Variants in SMAD5 observed in about 807,000 individuals in gnomAD.
SMAD5 encodes SMAD family member 5, also known as MAD, mothers against decapentaplegic homolog 5.
A neutral mutation model predicts 43.1 loss-of-function variants in SMAD5; 9 were observed. The observed-to-expected ratio is 0.21, with a 90% CI of 0.13 to 0.36. The LOEUF is 0.36. Among genes scored for constraint, SMAD5 ranks in the 10% least tolerant of loss-of-function variants. The pLI, the probability that SMAD5 is intolerant of heterozygous loss-of-function variation, is 1.00. For synonymous variants in SMAD5, 190 were observed against 192.4 expected, an observed-to-expected ratio of 0.99 and a Z score of 0.10; for missense variants, 348 against 574.0, an observed-to-expected ratio of 0.61 and a Z score of 4.02.
intron 4 of SMAD5, among the ~76,000 whole-genome samples, chr5:136,162,137 C>T (rs747141205): frequency 7.2e-5 from 11 of 152,054 alleles, no homozygotes; most frequent in African/African-American, 2.7e-4. Context: ...CTGAATGGGA[C>T]GTGATTAAAT....
rs1754064064 is a variant in SMAD5, at chr5:136,167,538, G to A, written c.775+4147G>A. On this transcript the variant is annotated intron_variant, in intron 5 of 7. Transcript: ENST00000545279. ...CACTCCTGTAATCCCAGCACTTTGGGAGGCCGAGGCAGGCAGATCATCTGA... is the reference window on the plus strand; with the variant it reads ...CACTCCTGTAATCCCAGCACTTTGGAAGGCCGAGGCAGGCAGATCATCTGA... 2.0e-5 allele frequency among the ~76,000 whole-genome samples: 3 copies of A among 152,066 alleles called. No homozygotes were observed. In the South Asian group the frequency reaches 6.2e-4, roughly 32 times the overall value.
In SMAD5 at chr5:136,153,916, G is replaced by C. The variant is rs774156161; in HGVS notation, c.156G>C (p.Leu52=). 1 of 1,614,026 alleles carries C rather than the reference G, an allele frequency of 6.2e-7. No homozygotes were observed. Among genetic ancestry groups the C allele is most frequent in the South Asian group, 1.1e-5 (1 of 91,072 alleles). The change falls in exon 3 of 8, where the codon CTG becomes CTC. Residue 52 remains leucine, a synonymous_variant. Transcript: ENST00000545279. Reference sequence around the variant, plus strand: ...AGAAAAAGGGTGCCATGGAGGAACTGGAGAAAGCCTTGAGCAGTCCAGGAC... The same window carrying C: ...AGAAAAAGGGTGCCATGGAGGAACTCGAGAAAGCCTTGAGCAGTCCAGGAC... ...LKKKKGAMEE[L]EKALSSPGQP...
chr5:136,133,918 G>C (rs1752773881), intron 1 of SMAD5: 1 of 154,446 alleles, frequency 6.5e-6, no homozygotes, highest in Admixed American at 6.6e-5. Context: ...TCCGGTTCTG[G>C]TGGTGATGGC....
intron 1 of SMAD5, among the ~76,000 whole-genome samples, chr5:136,146,045 G>T (rs1292257896): frequency 2.6e-5 from 4 of 151,854 alleles, no homozygotes; most frequent in Middle Eastern, 3.4e-3. Context: ...CATTTCAGTT[G>T]TTCTATTAAT....
In SMAD5 at chr5:136,179,469, A is replaced by G. The variant is rs933272323; in HGVS notation, c.*1989A>G. ...CTTTGTCCTTTCTGCTCTTGTGAAG[A>G]AAAAAAAAAGCATTTTCGAGGAAAG... On this transcript the variant is annotated 3_prime_UTR_variant, in exon 8 of 8. Coordinates refer to ENST00000545279, the MANE Select transcript of SMAD5 (RefSeq NM_005903.7). 3 of 122,274 alleles carry G rather than the reference A, an allele frequency of 2.5e-5. No homozygotes were observed. Among genetic ancestry groups the G allele is most frequent in the East Asian group, 7.3e-4 (2 of 2,734 alleles). 7.6% of individuals were successfully genotyped at this position (122,274 alleles called of 1,614,324 possible).
At chr5:136,173,719 G>A (rs1475683627) in intron 6 of SMAD5, among the ~76,000 whole-genome samples, 1 of 151,652 alleles carries the variant, frequency 6.6e-6, no homozygotes, top group African/African-American at 2.4e-5. Flanking sequence ...GGTGGTGGAG[G>A]GATATGTTGG....
intron 5 of SMAD5, among the ~76,000 whole-genome samples, chr5:136,171,792 G>T (rs1205246229): frequency 2.6e-5 from 4 of 152,172 alleles, no homozygotes; most frequent in African/African-American, 9.7e-5. Context: ...TAGAATATAT[G>T]TGTGTATTTT....
intron 1 of SMAD5, among the ~76,000 whole-genome samples, chr5:136,144,267 T>TG (rs893643493): frequency 1.3e-5 from 2 of 152,068 alleles, no homozygotes; most frequent in Admixed American, 6.6e-5. Context: ...GTGTAGTTTG[T>TG]GTTTTTCTTT....
intron 1 of SMAD5, among the ~76,000 whole-genome samples, chr5:136,144,035 T>A (rs1259899712): frequency 6.6e-6 from 1 of 152,074 alleles, no homozygotes; most frequent in Admixed American, 6.6e-5. Flanking sequence ...AAGGCCAAGA[T>A]AATAGCAGAT....
rs962008605 is a variant in SMAD5 at position 136,177,613 on chromosome 5, A to C, written c.*133A>C. On this transcript the variant is annotated 3_prime_UTR_variant, in exon 8 of 8. Transcript: ENST00000545279. ...ATTTTTTTCTACATAATTGTGACCA[A>C]TACATTTGTATTTTGTGATGAATCT... is the stretch of plus-strand genomic sequence containing the variant. 1 of 637,952 alleles carries C rather than the reference A, an allele frequency of 1.6e-6. No homozygotes were observed. The highest frequency in any genetic ancestry group is 1.8e-5 in the African/African-American group (1 of 54,432). 39.5% of individuals were successfully genotyped at this position (637,952 alleles called of 1,614,324 possible). A position where few individuals can be genotyped will look rare whatever the true frequency, so the allele number is the denominator to read the frequency against.
intron 1 of SMAD5, among the ~76,000 whole-genome samples, chr5:136,143,959 G>T (rs984743971): frequency 1.3e-5 from 2 of 151,888 alleles, no homozygotes; most frequent in Non-Finnish European, 2.9e-5. Flanking sequence ...CCACTTTCCA[G>T]TTATACTGTT....
intron 6 of SMAD5, among the ~76,000 whole-genome samples, chr5:136,173,834 A>G (rs1275851756): frequency 6.6e-6 from 1 of 151,092 alleles, no homozygotes; most frequent in Non-Finnish European, 1.5e-5. Flanking sequence ...TTTTGCCCTC[A>G]CATCTTGCAA....
chr5:136,150,085 A>G (rs973859744), intron 2 of SMAD5, among the ~76,000 whole-genome samples: 1 of 150,268 alleles, frequency 6.7e-6, no homozygotes, highest in African/African-American at 2.4e-5. Flanking sequence ...CTATCAGGAA[A>G]CTCTTTCCTA....
In SMAD5 at chr5:136,181,752, A is replaced by T. The variant is rs1241651695; in HGVS notation, c.*4272A>T. On this transcript the variant is annotated 3_prime_UTR_variant, in exon 8 of 8. Coordinates refer to ENST00000545279, the MANE Select transcript of SMAD5 (RefSeq NM_005903.7). Reference sequence around the variant, plus strand: ...TCCTGATTACAGAGTGACAATATTTATCAAGCCTTTGTTATATTGGATTAT... The same window carrying T: ...TCCTGATTACAGAGTGACAATATTTTTCAAGCCTTTGTTATATTGGATTAT... The T allele has an allele frequency of 6.6e-6, 1 of 152,212 alleles. No individual in the cohort carries two copies. The highest frequency in any genetic ancestry group is 1.5e-5 in the Non-Finnish European group (1 of 68,014). 9.4% of individuals were successfully genotyped at this position (152,212 alleles called of 1,614,324 possible).
chr5:136,152,116 A>T (rs570606586), intron 2 of SMAD5, among the ~76,000 whole-genome samples: 2 of 152,218 alleles, frequency 1.3e-5, no homozygotes, highest in South Asian at 4.1e-4. Flanking sequence ...CATAAGGAGG[A>T]TATCTTTACT....
At chr5:136,176,356 G>C (rs1304192804) in intron 7 of SMAD5, among the ~76,000 whole-genome samples, 1 of 149,212 alleles carries the variant, frequency 6.7e-6, no homozygotes, top group Non-Finnish European at 1.5e-5. Context: ...TAGGGAGGCT[G>C]AGACAGGAGA....
At chr5:136,156,757 A>AT (rs1451806074) in intron 3 of SMAD5, among the ~76,000 whole-genome samples, 2 of 152,182 alleles carry the variant, frequency 1.3e-5, no homozygotes, top group African/African-American at 4.8e-5. Context: ...GAAATGTCTT[A>AT]TTTTTTGTAT....
Position 136,181,792 on chromosome 5 carries a change from T to C in SMAD5, c.*4312T>C, listed in dbSNP as rs2149785647. ...TATTGGATTATCTTCTCTCTTAAAA[T>C]ACAACTGTATTATAATTGAAATGAC... is the stretch of plus-strand genomic sequence containing the variant. On this transcript the variant is annotated 3_prime_UTR_variant, in exon 8 of 8. Transcript: ENST00000545279. The C allele has an allele frequency of 6.6e-6, 1 of 152,316 alleles. No individual in the cohort carries two copies. The highest frequency in any genetic ancestry group is 1.9e-4 in the East Asian group (1 of 5,190). The allele number at this position is 152,316 out of a possible 1,614,324, so 9.4% of individuals were successfully genotyped here. A position where few individuals can be genotyped will look rare whatever the true frequency, so the allele number is the denominator to read the frequency against.
At chr5:136,162,732 C>G (rs115210751) in intron 4 of SMAD5, among the ~76,000 whole-genome samples, 1 of 152,148 alleles carries the variant, frequency 6.6e-6, no homozygotes, top group African/African-American at 2.4e-5. Flanking sequence ...AGTGAATTAC[C>G]TAACCATTTA....
Sources: allele counts gnomAD v4.1 joint callset (sites outside exome capture counted in the v4.1 genomes callset), GRCh38; gene constraint gnomAD v4.1.1; transcripts MANE v1.5; gene names NCBI Gene and HGNC (gene_info 2026-07-23, HGNC 2026-07-21).